The following STXBP5L variants were observed in gnomAD, a reference collection of about 807,000 sequenced individuals.
The protein encoded by STXBP5L is syntaxin-binding protein 5-like.
In STXBP5L, 65 loss-of-function variants were observed where a neutral mutation model predicts 144.5. That is an observed-to-expected ratio of 0.45 (90% confidence interval 0.37 to 0.55). The LOEUF (loss-of-function observed/expected upper bound fraction) is 0.55, where lower values mean the gene tolerates loss of function less well. STXBP5L is among the 20% of genes least tolerant of loss of function. The pLI, the probability that STXBP5L is intolerant of heterozygous loss-of-function variation, is 0.00. For synonymous variants in STXBP5L, 505 were observed against 469.6 expected (o/e 1.08, Z -0.97); for missense variants, 1,298 against 1,405.5 (o/e 0.92, Z 1.22).
intron 10 of STXBP5L, among the ~76,000 whole-genome samples, chr3:121,211,578 C>CTTTTTTTT (rs1188424283): frequency 2.7e-5 from 3 of 110,268 alleles, no homozygotes; most frequent in African/African-American, 3.5e-5. Flanking sequence ...TTTTTTCTTT[C>CTTTTTTTT]TTTTTTTTTT....
chr3:120,908,925 C>T (rs868707606), intron 1 of STXBP5L, among the ~76,000 whole-genome samples: 17 of 151,732 alleles, frequency 1.1e-4, no homozygotes, highest in African/African-American at 3.4e-4. Flanking sequence ...TCTCCTCCTC[C>T]CCCCCTCCCC....
chr3:121,275,686 G>A (rs1372862972), intron 18 of STXBP5L, among the ~76,000 whole-genome samples: 4 of 151,884 alleles, frequency 2.6e-5, no homozygotes. Context: ...AGTTCTATTG[G>A]TTTTCATGAA....
chr3:121,018,435 A>G (rs1208480133), intron 3 of STXBP5L, among the ~76,000 whole-genome samples: 3 of 151,772 alleles, frequency 2.0e-5, no homozygotes, highest in Non-Finnish European at 4.4e-5. Flanking sequence ...CAATCAACTA[A>G]TCTTTGACAA....
intron 20 of STXBP5L, among the ~76,000 whole-genome samples, chr3:121,347,364 T>C (rs932468335): frequency 6.6e-6 from 1 of 152,198 alleles, no homozygotes; most frequent in Non-Finnish European, 1.5e-5. Flanking sequence ...AGCCTTGTAG[T>C]GTAGTTTGAA....
intron 5 of STXBP5L, among the ~76,000 whole-genome samples, chr3:121,085,843 C>G (rs1474476949): frequency 6.6e-6 from 1 of 151,886 alleles, no homozygotes; most frequent in Non-Finnish European, 1.5e-5. Flanking sequence ...CATATAGAAC[C>G]AAAAAAGGGC....
intron 3 of STXBP5L, among the ~76,000 whole-genome samples, chr3:120,992,815 A>G (rs1241999437): frequency 2.6e-5 from 4 of 152,104 alleles, no homozygotes; most frequent in African/African-American, 7.2e-5. Flanking sequence ...TTGGATAAAT[A>G]CTCAGTAGTA....
chr3:121,067,466 T>C (rs2041602534), intron 5 of STXBP5L, among the ~76,000 whole-genome samples: 1 of 152,162 alleles, frequency 6.6e-6, no homozygotes, highest in Non-Finnish European at 1.5e-5. Flanking sequence ...AAAAATAAAA[T>C]GCCACTGTGG....
At chr3:121,023,219 A>C (rs1945689411) in intron 3 of STXBP5L, among the ~76,000 whole-genome samples, 1 of 152,178 alleles carries the variant, frequency 6.6e-6, no homozygotes, top group Admixed American at 6.5e-5. Flanking sequence ...AAGGAAAACT[A>C]CAAAACACTG....
At chr3:121,038,294 G>A (rs1051578661) in intron 3 of STXBP5L, among the ~76,000 whole-genome samples, 8 of 151,674 alleles carry the variant, frequency 5.3e-5, no homozygotes, top group African/African-American at 1.9e-4. Flanking sequence ...TTTTCTCAAA[G>A]TGCTGCTTTA....
chr3:121,011,464 C>T (rs1431840275), intron 3 of STXBP5L, among the ~76,000 whole-genome samples: 2 of 151,634 alleles, frequency 1.3e-5, no homozygotes, highest in African/African-American at 4.8e-5. Flanking sequence ...CTAGTGGACA[C>T]TCAAATGGTA....
At chr3:120,979,322 A>G (rs946889795) in intron 3 of STXBP5L, among the ~76,000 whole-genome samples, 11 of 152,186 alleles carry the variant, frequency 7.2e-5, no homozygotes, top group East Asian at 1.9e-4. Context: ...GCAATCAGCA[A>G]TACTCCGTGG....
At chr3:121,406,796 G>A (rs2047002344) in intron 22 of STXBP5L, among the ~76,000 whole-genome samples, 1 of 151,832 alleles carries the variant, frequency 6.6e-6, no homozygotes, top group Non-Finnish European at 1.5e-5. Flanking sequence ...AAGATTGTGT[G>A]ATTATTTTTC....
intron 3 of STXBP5L, among the ~76,000 whole-genome samples, chr3:121,025,963 AATATAT>A (rs1241761034): frequency 8.8e-6 from 1 of 113,468 alleles, no homozygotes; most frequent in Non-Finnish European, 2.0e-5. Context: ...CATAATGTAT[AATATAT>A]TAATGTTAAT....
At chr3:121,017,204 A>G (rs1413710765) in intron 3 of STXBP5L, among the ~76,000 whole-genome samples, 1 of 152,218 alleles carries the variant, frequency 6.6e-6, no homozygotes, top group Non-Finnish European at 1.5e-5. Flanking sequence ...ATATTAGTAG[A>G]TGCAGAGTAA....
At chr3:121,270,594 A>G (rs909026316) in intron 18 of STXBP5L, among the ~76,000 whole-genome samples, 1 of 152,056 alleles carries the variant, frequency 6.6e-6, no homozygotes, top group Non-Finnish European at 1.5e-5. Context: ...CTAGGATTAC[A>G]GGCATGCACC....
chr3:120,945,689 G>A (rs990848169), intron 2 of STXBP5L, among the ~76,000 whole-genome samples: 4 of 151,894 alleles, frequency 2.6e-5, no homozygotes, highest in Non-Finnish European at 4.4e-5. Context: ...GGCAAAAGGA[G>A]AAGTTCACAT....
chr3:121,056,473 A>G (rs1398572818), intron 5 of STXBP5L, among the ~76,000 whole-genome samples: 2 of 152,180 alleles, frequency 1.3e-5, no homozygotes, highest in African/African-American at 2.4e-5. Context: ...AGGAAGCAAT[A>G]TTTTGTTGAA....
At chr3:121,115,189 A>G in intron 6 of STXBP5L, 130 bp downstream of exon 6, 1 of 892,592 alleles carries the variant, frequency 1.1e-6, no homozygotes, top group Non-Finnish European at 1.6e-6. Context: ...AAAGTTCAGT[A>G]AAATAACTTA....
At chr3:121,350,696 T>G (rs2045241425) in intron 20 of STXBP5L, among the ~76,000 whole-genome samples, 1 of 152,186 alleles carries the variant, frequency 6.6e-6, no homozygotes, top group Non-Finnish European at 1.5e-5. Flanking sequence ...TCTTCTCACT[T>G]CATTTCATTC....
Sources: allele counts gnomAD v4.1 joint callset (sites outside exome capture counted in the v4.1 genomes callset), GRCh38; gene constraint gnomAD v4.1.1; transcripts MANE v1.5; gene names NCBI Gene and HGNC (gene_info 2026-07-23, HGNC 2026-07-21).